Variants in NOS3 observed in about 807,000 individuals in gnomAD.
NOS3 encodes nitric oxide synthase 3, also known as NOS type III.
A neutral mutation model predicts 144.9 loss-of-function variants in NOS3; 98 were observed. The ratio of observed to expected loss-of-function variants is 0.68; its 90% CI spans 0.57 to 0.80. NOS3 has a LOEUF of 0.80. NOS3 is among the 30% of genes least tolerant of loss of function. The probability of loss-of-function intolerance (pLI) is 0.00; values close to 1 mark genes in which losing one functional copy is unlikely to be tolerated. For synonymous variants in NOS3, 714 were observed against 702.4 expected (o/e 1.02, Z -0.26); for missense variants, 1,465 against 1,656.4 (o/e 0.88, Z 2.01).
In NOS3 at chr7:150,998,843, A is replaced by G; in HGVS notation, c.817-103A>G. On this transcript the variant is annotated intron_variant, in intron 7 of 26. Coordinates refer to ENST00000297494, the MANE Select transcript of NOS3 (RefSeq NM_000603.5). This position sits in a 1 kb window ranked among gnomAD's most constrained non-coding sequence, Gnocchi z 5.0. ...CCTGGGTGGTCACGGAGACCCAGCC[A>G]ATGAGGGACCCTGGAGATGAAGGCA... The G allele has an allele frequency of 6.7e-7, 1 of 1,503,682 alleles. No individual in the cohort carries two copies. The highest frequency in any genetic ancestry group is 9.0e-7 in the Non-Finnish European group (1 of 1,114,066). 93.1% of individuals were successfully genotyped at this position (1,503,682 alleles called of 1,614,324 possible). A position where few individuals can be genotyped will look rare whatever the true frequency, so the allele number is the denominator to read the frequency against.
intron 14 of NOS3, among the ~76,000 whole-genome samples, chr7:151,006,030 T>C (rs1041732506): frequency 6.6e-6 from 1 of 152,144 alleles, no homozygotes; most frequent in Admixed American, 6.5e-5. Context: ...CTAAAAACAA[T>C]ACTACTACTT....
intron 12 of NOS3, 26 bp from the exon 13 acceptor site, chr7:151,001,795 C>A (rs1362102640): frequency 1.9e-6 from 3 of 1,613,226 alleles, no homozygotes; most frequent in Non-Finnish European, 2.5e-6. Context: ...GCACCCAGGA[C>A]ACCCTCACAC....
intron 14 of NOS3, among the ~76,000 whole-genome samples, chr7:151,006,050 T>C (rs904507276): frequency 2.0e-5 from 3 of 152,138 alleles, no homozygotes; most frequent in African/African-American, 4.8e-5. Context: ...TACGTCAATA[T>C]TGTTGTATTG....
Position 151,001,257 on chromosome 7 carries a change from C to A in NOS3, c.1260C>A (p.His420Gln). Residue 420 changes from histidine (H) to glutamine (Q), a missense_variant, in exon 11 of 27, where the codon CAC becomes CAA. Physicochemically the swap from His to Gln is conservative, Grantham distance 24 (BLOSUM62 0). Coordinates refer to ENST00000297494, the MANE Select transcript of NOS3 (RefSeq NM_000603.5). ...YQLAKVTIVDHHAATASFMKH... is the reference protein window; with the variant it reads ...YQLAKVTIVDQHAATASFMKH... Reference sequence around the variant, plus strand: ...TAGCCAAAGTCACCATCGTGGACCACCACGCCGCCACGGCCTCTTTCATGA... The same window carrying A: ...TAGCCAAAGTCACCATCGTGGACCAACACGCCGCCACGGCCTCTTTCATGA... The A allele has an allele frequency of 6.2e-7, 1 of 1,613,648 alleles. No homozygotes were observed. Among genetic ancestry groups the A allele is most frequent in the Non-Finnish European group, 8.5e-7 (1 of 1,179,966 alleles).
Position 150,998,288 on chromosome 7 carries a change from C to A in NOS3, c.583-69C>A. 7.1e-7 allele frequency: 1 copy of A among 1,399,486 alleles called. No homozygotes were observed. Among genetic ancestry groups the A allele is most frequent in the South Asian group, 1.2e-5 (1 of 81,458 alleles). The allele number at this position is 1,399,486 out of a possible 1,614,324, so 86.7% of individuals were successfully genotyped here. On this transcript the variant is annotated intron_variant, in intron 5 of 26. Coordinates refer to ENST00000297494, the MANE Select transcript of NOS3 (RefSeq NM_000603.5). The surrounding 1 kb of genome is among the most constrained non-coding windows in gnomAD (Gnocchi z 5.0). The stretch of plus-strand genomic sequence containing the variant: ...CCCTGCCTCCTCACCAGCAGCTCCT[C>A]TGGAGCTGATACTCAAGACCCCCCG...
At position 150,995,225 on chromosome 7, in the gene NOS3, C is replaced by A; in HGVS notation, c.181C>A (p.Gln61Lys). 1 of 1,610,030 alleles carries A rather than the reference C, an allele frequency of 6.2e-7. No homozygotes were observed. The highest frequency in any genetic ancestry group is 1.3e-5 in the African/African-American group (1 of 74,932). Reference protein sequence around the residue: ...EHSPPSSPLTQPPEGPKFPRV... With the variant: ...EHSPPSSPLTKPPEGPKFPRV... ...CAGCCCCCCGAGCTCCCCGCTAACCCAGCCCCCAGAGGGGCCCAAGTTCCC... is the reference window on the plus strand; with the variant it reads ...CAGCCCCCCGAGCTCCCCGCTAACCAAGCCCCCAGAGGGGCCCAAGTTCCC... The change falls in exon 3 of 27, where the codon CAG (glutamine) becomes AAG (lysine). Residue 61 changes from glutamine (Q) to lysine (K), a missense_variant. Around this residue, in one of 5 missense-constraint regions of NOS3, gnomAD observed 374 missense variants for 377.0 expected, o/e 0.99. Coordinates refer to ENST00000297494, the MANE Select transcript of NOS3 (RefSeq NM_000603.5).
intron 2 of NOS3, among the ~76,000 whole-genome samples, chr7:150,994,932 G>C (rs564322888): frequency 6.6e-6 from 1 of 152,316 alleles, no homozygotes; most frequent in Admixed American, 6.5e-5. Context: ...ATCTCCAGAA[G>C]AGGTGAGGTG....
rs374310294 is a variant in NOS3 at position 151,001,082 on chromosome 7, G to C, written c.1234-149G>C. The C allele has an allele frequency of 3.5e-5, 26 of 734,214 alleles. No homozygotes were observed. In the East Asian group the frequency reaches 6.6e-4, roughly 19 times the overall value. 45.5% of individuals were successfully genotyped at this position (734,214 alleles called of 1,614,324 possible). ...CATGCATGATGTGGTTTGGGGTGAG[G>C]GTGACATTGTGGTTTGAGGGGACAC... On this transcript the variant is annotated intron_variant, in intron 10 of 26. Transcript: ENST00000297494.
At chr7:150,992,104 A>T (rs1408033508) in intron 1 of NOS3, among the ~76,000 whole-genome samples, 1 of 151,298 alleles carries the variant, frequency 6.6e-6, no homozygotes, top group Non-Finnish European at 1.5e-5. Context: ...AACCAAGATC[A>T]CACCACTGCA....
At chr7:150,994,171 G>A (rs940440099) in intron 2 of NOS3, among the ~76,000 whole-genome samples, 1 of 152,204 alleles carries the variant, frequency 6.6e-6, no homozygotes, top group Non-Finnish European at 1.5e-5. Context: ...GGGAGTAAGG[G>A]TGCCAGCTAT....
Position 150,996,930 on chromosome 7 carries a change from GGCTGGCCA to G in NOS3, c.582+8_582+15del, listed in dbSNP as rs1477486306. On this transcript the variant is annotated splice_donor_region_variant and intron_variant, in intron 5 of 26. Transcript: ENST00000297494. ...ATCCAGTGGGGGAAGCTGCAGGTGC[GGCTGGCCA>G]GCGACTGAGAGACCCGGGCGCTACC... is the stretch of plus-strand genomic sequence containing the variant. 6 of 1,558,038 alleles carry G rather than the reference GGCTGGCCA, an allele frequency of 3.9e-6. No homozygotes were observed. Among genetic ancestry groups the G allele is most frequent in the Non-Finnish European group, 4.3e-6 (5 of 1,151,914 alleles).
In NOS3 at chr7:151,010,723, C is replaced by T. The variant is rs760761084; in HGVS notation, c.2812C>T (p.Arg938Trp). 4 of 1,613,036 alleles carry T rather than the reference C, an allele frequency of 2.5e-6. No homozygotes were observed. Among genetic ancestry groups the T allele is most frequent in the South Asian group, 2.2e-5 (2 of 90,902 alleles). ...LLTQLPLLQP[R>W]YYSVSSAPST... ...CACCCAGCTGCCTCTGCTCCAGCCC[C>T]GGTACTACTCAGTCAGCTCGGCACC... The change falls in exon 22 of 27, where the codon CGG (arginine) becomes TGG (tryptophan). Residue 938 changes from arginine (R) to tryptophan (W), a missense_variant. Arg to Trp is a moderately radical substitution (Grantham distance 101, BLOSUM62 -3). Coordinates refer to ENST00000297494, the MANE Select transcript of NOS3 (RefSeq NM_000603.5).
rs1270405564 is a variant in NOS3 at position 151,011,605 on chromosome 7, C to CT, written c.2984+620dup. Among the ~76,000 whole-genome samples, 3 of 92,204 alleles carry CT rather than the reference C, an allele frequency of 3.3e-5. No individual in the cohort carries two copies. In the Admixed American group the frequency reaches 3.7e-4, roughly 11 times the overall value. 60.5% of individuals were successfully genotyped at this position (92,204 alleles called of 152,430 possible). On this transcript the variant is annotated intron_variant, in intron 23 of 26. Transcript: ENST00000297494. ...CCAGCCTGGGCGACAGAGCCAGACT[C>CT]TGTCTCAAAAAAAAAAAAAAAAATA...
In NOS3 at chr7:150,993,865, T is replaced by C; in HGVS notation, c.62T>C (p.Leu21Pro). The change falls in exon 2 of 27, where the codon CTG (leucine) becomes CCG (proline). Residue 21 changes from leucine (L) to proline (P), a missense_variant. This residue lies in a region of NOS3 where 374 missense variants were observed against 377.0 expected (regional missense o/e 0.99). Transcript: ENST00000297494. The surrounding 1 kb of genome is among the most constrained non-coding windows in gnomAD (Gnocchi z 4.0). ...PGPPCGLGLG[L>P]GLGLCGKQGP... ...CCACCCTGCGGCCTGGGGCTGGGGC[T>C]GGGCCTTGGGCTGTGCGGCAAGCAG... is the stretch of plus-strand genomic sequence containing the variant. The C allele has an allele frequency of 1.2e-6, 2 of 1,600,994 alleles. No homozygotes were observed. The highest frequency in any genetic ancestry group is 1.7e-6 in the Non-Finnish European group (2 of 1,176,428).
At chr7:151,013,598 C>T in intron 25 of NOS3, 126 bp from the exon 26 acceptor site, 1 of 1,061,422 alleles carries the variant, frequency 9.4e-7, no homozygotes, top group East Asian at 2.6e-5. Context: ...TTGACACCGC[C>T]CCAGGGCACG....
In NOS3 at chr7:150,996,780, ACGAAC is replaced by A; in HGVS notation, c.438_442del (p.His146GlnfsTer19). 1.2e-6 allele frequency: 2 copies of A among 1,611,716 alleles called. No homozygotes were observed. Among genetic ancestry groups the A allele is most frequent in the Non-Finnish European group, 1.7e-6 (2 of 1,179,690 alleles). ...CTCCCCAGGAGCGGCTCCCAGGCCCACGAACAGCGGCTTCAAGAGGTGGAAGCCGA... is the reference window on the plus strand; with the variant it reads ...CTCCCCAGGAGCGGCTCCCAGGCCCAAGCGGCTTCAAGAGGTGGAAGCCGA... On this transcript the variant is annotated frameshift_variant, in exon 5 of 27. Transcript: ENST00000297494. LOFTEE classifies it high-confidence loss of function.
intron 19 of NOS3, 55 bp from the exon 20 acceptor site, chr7:151,009,343 C>A: frequency 1.0e-6 from 1 of 973,806 alleles, no homozygotes. Flanking sequence ...CTCCCACATT[C>A]TCCCGCCCCC....
chr7:151,000,418 C>T (rs1478318872), intron 9 of NOS3, 80 bp from the exon 10 acceptor site: 9 of 899,850 alleles, frequency 1.0e-5, no homozygotes, highest in Non-Finnish European at 1.7e-5. Flanking sequence ...CAGCCATGTA[C>T]GGGAAACAGA....
rs905225309 is a variant in NOS3, at chr7:151,002,566, C to A, written c.1752+262C>A. Among the ~76,000 whole-genome samples, 2 of 152,204 alleles carry A rather than the reference C, an allele frequency of 1.3e-5. No individual in the cohort carries two copies. The highest frequency in any genetic ancestry group is 2.9e-5 in the Non-Finnish European group (2 of 68,052). On this transcript the variant is annotated intron_variant, in intron 14 of 26. Coordinates refer to ENST00000297494, the MANE Select transcript of NOS3 (RefSeq NM_000603.5). This position sits in a 1 kb window ranked among gnomAD's most constrained non-coding sequence, Gnocchi z 4.1. The stretch of plus-strand genomic sequence containing the variant: ...CCCTGCAAGCACATTTGCTTAACTG[C>A]GCGTCCCCAAGTCATTTCCATTATC...
Sources: gnomAD v4.1 joint callset for allele counts (sites outside exome capture counted in the v4.1 genomes callset) on GRCh38, gnomAD v4.1.1 for gene constraint, gnomAD v4.1.1 regional missense constraint, Gnocchi (gnomAD v3.1) non-coding constraint, MANE v1.5 for transcripts, NCBI Gene and HGNC (gene_info 2026-07-23, HGNC 2026-07-21) for gene names.